The following ADAMTSL1 variants were observed in gnomAD, a reference collection of about 807,000 sequenced individuals.
ADAMTSL1 encodes ADAMTS-like protein 1.
In ADAMTSL1, 126 loss-of-function variants were observed where a neutral mutation model predicts 201.8. The ratio of observed to expected loss-of-function variants is 0.62; its 90% CI spans 0.54 to 0.72. The LOEUF is 0.72. Among genes scored for constraint, ADAMTSL1 ranks in the 30% least tolerant of loss-of-function variants. ADAMTSL1 has a pLI of 0.00. For missense variants in ADAMTSL1, 2,679 were observed against 2,277.8 expected (o/e 1.18, Z -3.59); for synonymous variants, 1,121 against 903.4 (o/e 1.24, Z -4.32).
chr9:18,174,904 G>T (rs555648191), intron 2 of ADAMTSL1, among the ~76,000 whole-genome samples: 4 of 152,252 alleles, frequency 2.6e-5, no homozygotes, highest in African/African-American at 9.6e-5. Context: ...GAACAATTTA[G>T]TTTCTTGTGT....
intron 2 of ADAMTSL1, among the ~76,000 whole-genome samples, chr9:18,438,991 GT>G (rs68149030): frequency 0.25 from 36,033 of 146,290 alleles, 5,115 homozygotes; most frequent in Non-Finnish European, 0.33. Flanking sequence ...TTGTTGACAG[GT>G]TTTTTTTTTT....
At chr9:18,480,118 T>TA (rs1277943460) in intron 1 of ADAMTSL1, among the ~76,000 whole-genome samples, 1 of 152,218 alleles carries the variant, frequency 6.6e-6, no homozygotes, top group Non-Finnish European at 1.5e-5. Context: ...AAACGATACT[T>TA]ACATTAGTCA....
intron 2 of ADAMTSL1, among the ~76,000 whole-genome samples, chr9:18,413,293 T>C (rs2133324220): frequency 6.6e-6 from 1 of 151,914 alleles, no homozygotes; most frequent in African/African-American, 2.4e-5. Context: ...GCCTCCTGAG[T>C]AGCTAGGATT....
rs541493022 is a variant in ADAMTSL1, at chr9:18,534,795, C to T, written c.237+1503C>T. 4.7e-3 allele frequency among the ~76,000 whole-genome samples: 716 copies of T among 152,318 alleles called. 2 individuals carry two copies. Among genetic ancestry groups the T allele is most frequent in the Non-Finnish European group, 6.3e-3 (430 of 68,030 alleles). Reference sequence around the variant, plus strand: ...GCTGCCAAGGCTTGGGGCTTGCACCCCCTAAAGCAATGGCCTGAGCTGTAC... The same window carrying T: ...GCTGCCAAGGCTTGGGGCTTGCACCTCCTAAAGCAATGGCCTGAGCTGTAC... On this transcript the variant is annotated intron_variant, in intron 3 of 28. Coordinates refer to ENST00000380548, the MANE Select transcript of ADAMTSL1 (RefSeq NM_001040272.6).
At chr9:18,509,537 G>C (rs1305302368) in intron 2 of ADAMTSL1, among the ~76,000 whole-genome samples, 3 of 152,210 alleles carry the variant, frequency 2.0e-5, no homozygotes, top group Non-Finnish European at 4.4e-5. Context: ...TCTAGGGTTG[G>C]CTGGATGTTG....
chr9:18,179,482 T>C lies in ADAMTSL1; in HGVS notation c.207+15501T>C, dbSNP rs186126085. 8.1e-3 allele frequency among the ~76,000 whole-genome samples: 1,232 copies of C among 152,146 alleles called. 14 individuals are homozygous for C. Among genetic ancestry groups the C allele is most frequent in the Non-Finnish European group, 9.8e-3 (669 of 68,012 alleles). ...ATATTATCCAGGAGAACTTCCCCAATCTAGCAAGGCAGGCCAACATTCAGA... is the reference window on the plus strand; with the variant it reads ...ATATTATCCAGGAGAACTTCCCCAACCTAGCAAGGCAGGCCAACATTCAGA... On this transcript the variant is annotated intron_variant, in intron 2 of 29. Transcript: ENST00000680146.
intron 1 of ADAMTSL1, among the ~76,000 whole-genome samples, chr9:18,085,582 GTGTGTGTGTATACGTATATACAC>G (rs1408523169): frequency 0.022 from 3,191 of 147,260 alleles, 46 homozygotes; most frequent in African/African-American, 0.035. Context: ...TATACACACT[GTGTGTGTGTATACGTATATACAC>G]TGTGTGTGTA....
chr9:18,316,220 C>T (rs1406585847), intron 2 of ADAMTSL1, among the ~76,000 whole-genome samples: 1 of 152,066 alleles, frequency 6.6e-6, no homozygotes, highest in Non-Finnish European at 1.5e-5. Flanking sequence ...GACCACAGGA[C>T]CGGGGCGAAA....
At chr9:17,959,822 G>T (rs554289202) in intron 1 of ADAMTSL1, among the ~76,000 whole-genome samples, 1 of 152,078 alleles carries the variant, frequency 6.6e-6, no homozygotes, top group African/African-American at 2.4e-5. Context: ...GTGTCCTAGA[G>T]TGTGACTTAC....
At chr9:18,175,113 G>A (rs1677850875) in intron 2 of ADAMTSL1, among the ~76,000 whole-genome samples, 1 of 152,186 alleles carries the variant, frequency 6.6e-6, no homozygotes, top group Non-Finnish European at 1.5e-5. Flanking sequence ...GAAAACCTGA[G>A]GAGGGGTTGT....
At chr9:17,985,404 G>C (rs564515146) in intron 1 of ADAMTSL1, among the ~76,000 whole-genome samples, 2 of 152,082 alleles carry the variant, frequency 1.3e-5, no homozygotes, top group Admixed American at 1.3e-4. Context: ...AATTAAATCA[G>C]TGCTTCTCTT....
chr9:18,141,258 C>G (rs1181165130), intron 1 of ADAMTSL1, among the ~76,000 whole-genome samples: 2 of 152,040 alleles, frequency 1.3e-5, no homozygotes, highest in Non-Finnish European at 2.9e-5. Context: ...AGTGGAAGAG[C>G]AGTTGAAGGA....
intron 2 of ADAMTSL1, among the ~76,000 whole-genome samples, chr9:18,363,544 A>G (rs544487701): frequency 3.9e-5 from 6 of 152,312 alleles, no homozygotes; most frequent in African/African-American, 1.4e-4. Context: ...TAAAATAGGA[A>G]TAGATAATTC....
At chr9:18,095,695 A>T (rs953028100) in intron 1 of ADAMTSL1, among the ~76,000 whole-genome samples, 1 of 152,120 alleles carries the variant, frequency 6.6e-6, no homozygotes, top group East Asian at 1.9e-4. Flanking sequence ...AAGTGCTGGG[A>T]TTACAGGTGT....
intron 2 of ADAMTSL1, among the ~76,000 whole-genome samples, chr9:18,425,499 C>T (rs1420177041): frequency 2.6e-5 from 4 of 152,164 alleles, no homozygotes; most frequent in Admixed American, 6.5e-5. Flanking sequence ...TTCAAATGTC[C>T]GAAACTCTGG....
intron 13 of ADAMTSL1, among the ~76,000 whole-genome samples, chr9:18,697,718 TG>T (rs1564159796): frequency 6.6e-6 from 1 of 152,146 alleles, no homozygotes; most frequent in African/African-American, 2.4e-5. Context: ...GAAAGTGAGA[TG>T]TGAAGGAAAT....
chr9:18,626,878 C>CTTTCTTTCTTACTTT (rs1461320087), intron 5 of ADAMTSL1, among the ~76,000 whole-genome samples: 13 of 90,082 alleles, frequency 1.4e-4, no homozygotes, highest in African/African-American at 5.9e-4. Context: ...TGTCTTTCTT[C>CTTTCTTTCTTACTTT]CTTCCTTCCT....
At chr9:18,135,571 G>A (rs1001950461) in intron 1 of ADAMTSL1, among the ~76,000 whole-genome samples, 1 of 152,060 alleles carries the variant, frequency 6.6e-6, no homozygotes, top group Non-Finnish European at 1.5e-5. Context: ...TGAGATGGGA[G>A]AACTGCTGAG....
chr9:18,223,750 T>C (rs1385535914), intron 2 of ADAMTSL1, among the ~76,000 whole-genome samples: 1 of 152,106 alleles, frequency 6.6e-6, no homozygotes, highest in East Asian at 1.9e-4. Context: ...TCTTTAATTC[T>C]ATGGTTGTTG....
Sources: allele counts gnomAD v4.1 joint callset (sites outside exome capture counted in the v4.1 genomes callset), GRCh38; gene constraint gnomAD v4.1.1; transcripts MANE v1.5; gene names NCBI Gene and HGNC (gene_info 2026-07-23, HGNC 2026-07-21).